ANKRD42: variants seen among roughly 807,000 people sequenced by gnomAD.
The protein encoded by ANKRD42 is ankyrin repeat domain-containing protein 42.
Under a neutral mutation model 51.5 loss-of-function variants are expected in ANKRD42, and 43 were observed. The observed-to-expected ratio is 0.83, with a 90% confidence interval of 0.65 to 1.08. The LOEUF (loss-of-function observed/expected upper bound fraction) is 1.08. ANKRD42 is among the 50% of genes least tolerant of loss of function. The pLI, the probability that ANKRD42 is intolerant of heterozygous loss-of-function variation, is 0.00. For missense variants in ANKRD42, 608 were observed against 629.3 expected (o/e 0.97, Z 0.36); for synonymous variants, 203 against 213.0 (o/e 0.95, Z 0.41).
rs752263810 is a variant in ANKRD42 at position 83,224,822 on chromosome 11, AAAATT to A, written c.587-25_587-21del. On this transcript the variant is annotated intron_variant, in intron 5 of 10. Transcript: ENST00000533342. ...ACATACATAAAAATTTTAAAAAATAAAAATTAAATTAATTTTTTTTCCTTTCCTCT... is the reference window on the plus strand; with the variant it reads ...ACATACATAAAAATTTTAAAAAATAAAAATTAATTTTTTTTCCTTTCCTCT... 4.0e-6 allele frequency: 6 copies of A among 1,499,284 alleles called. No individual in the cohort carries two copies. The Admixed American group carries it at 6.4e-5, about 16-fold the overall frequency. The allele number at this position is 1,499,284 out of a possible 1,614,324, so 92.9% of individuals were successfully genotyped here.
chr11:83,207,548 G>A (rs1450423155), intron 3 of ANKRD42, among the ~76,000 whole-genome samples: 1 of 152,212 alleles, frequency 6.6e-6, no homozygotes, highest in African/African-American at 2.4e-5. Context: ...GGTAAGTAAT[G>A]AGGAAGTATT....
At chr11:83,202,403 T>C (rs567952628) in intron 2 of ANKRD42, among the ~76,000 whole-genome samples, 1 of 152,362 alleles carries the variant, frequency 6.6e-6, no homozygotes, top group African/African-American at 2.4e-5. Flanking sequence ...CCTTGTAGTA[T>C]AGTTTGAAGT....
intron 1 of ANKRD42, among the ~76,000 whole-genome samples, chr11:83,196,044 A>G (rs1861640318): frequency 6.6e-6 from 1 of 152,052 alleles, no homozygotes; most frequent in South Asian, 2.1e-4. Context: ...ACGGAGTTTC[A>G]CTGTGTTAGC....
intron 7 of ANKRD42, among the ~76,000 whole-genome samples, chr11:83,233,213 GT>G (rs777086695): frequency 0.03 from 4,084 of 134,312 alleles, 146 homozygotes; most frequent in African/African-American, 0.093. Flanking sequence ...CGGGTCTGGG[GT>G]TTTTTTTTTT....
rs201130789 is a variant in ANKRD42 at position 83,206,073 on chromosome 11, C to A, written c.238C>A (p.Leu80Ile). ...ATTTTCTTAGTGTCTTCATTGGCTG[C>A]TCTGGCATGGAGCTGATATCACACA... ...SGSLECLHWL[L>I]WHGADITHVT... The change falls in exon 3 of 11, where the codon CTC (leucine) becomes ATC (isoleucine). Residue 80 changes from leucine to isoleucine, a missense_variant. Coordinates refer to ENST00000533342, the MANE Select transcript of ANKRD42 (RefSeq NM_001300975.2). 2 of 1,612,478 alleles carry A rather than the reference C, an allele frequency of 1.2e-6. No homozygotes were observed. The highest frequency in any genetic ancestry group is 2.7e-5 in the African/African-American group (2 of 74,900).
At chr11:83,229,815 A>G (rs1327522193) in intron 7 of ANKRD42, among the ~76,000 whole-genome samples, 1 of 152,132 alleles carries the variant, frequency 6.6e-6, no homozygotes, top group African/African-American at 2.4e-5. Context: ...ACAGCTGGAA[A>G]AGAGCATTGT....
At chr11:83,241,844 TG>T (rs1863397198) in intron 9 of ANKRD42, among the ~76,000 whole-genome samples, 1 of 152,154 alleles carries the variant, frequency 6.6e-6, no homozygotes, top group Non-Finnish European at 1.5e-5. Context: ...GGTGATAGAC[TG>T]GGAGGTGGAA....
At chr11:83,215,879 T>C (rs1373055089) in intron 5 of ANKRD42, among the ~76,000 whole-genome samples, 2 of 152,108 alleles carry the variant, frequency 1.3e-5, no homozygotes, top group Non-Finnish European at 2.9e-5. Flanking sequence ...CACTGCAACA[T>C]TCTCCTCCTG....
chr11:83,208,119 G>A (rs1862149998), intron 3 of ANKRD42, among the ~76,000 whole-genome samples: 1 of 152,140 alleles, frequency 6.6e-6, no homozygotes, highest in East Asian at 1.9e-4. Context: ...AACCTCCTGG[G>A]CCCAAGTGAT....
At chr11:83,215,730 C>T (rs1233326322) in intron 5 of ANKRD42, among the ~76,000 whole-genome samples, 1 of 152,048 alleles carries the variant, frequency 6.6e-6, no homozygotes, top group African/African-American at 2.4e-5. Flanking sequence ...AAGCAAAATG[C>T]CCTACATGTT....
At chr11:83,252,622 A>G (rs1316646845), downstream of ANKRD42, among the ~76,000 whole-genome samples, 1 of 152,218 alleles carries the variant, frequency 6.6e-6, no homozygotes, top group Non-Finnish European at 1.5e-5. Flanking sequence ...GATTACATGT[A>G]GTCCACAAAT....
intron 11 of ANKRD42, chr11:83,255,701 C>T (rs1259708680): frequency 1.2e-5 from 7 of 593,508 alleles, no homozygotes; most frequent in South Asian, 1.1e-4. Context: ...GGAATTTATT[C>T]ACATAAAATC....
In ANKRD42 at chr11:83,210,329, A is replaced by G. The variant is rs113946353; in HGVS notation, c.360A>G (p.Thr120=). Residue 120 remains threonine (T), a synonymous_variant, in exon 4 of 11, where the codon ACA becomes ACG. Coordinates refer to ENST00000533342, the MANE Select transcript of ANKRD42 (RefSeq NM_001300975.2). The part of the protein sequence containing the change: ...QALIMNGANL[T]AQDDRGCTPL... ...TTATAATGAATGGAGCAAATCTGACAGCCCAGGATGACCGGGGATGCACTC... is the reference window on the plus strand; with the variant it reads ...TTATAATGAATGGAGCAAATCTGACGGCCCAGGATGACCGGGGATGCACTC... 3 of 1,613,998 alleles carry G rather than the reference A, an allele frequency of 1.9e-6. No homozygotes were observed. The highest frequency in any genetic ancestry group is 1.1e-5 in the South Asian group (1 of 91,078).
rs1210197879 is a variant in ANKRD42, at chr11:83,203,165, T to C, written c.223-2893T>C. ...TGTGCCACCATACCTGTCTAATTTTTTGTATTTTTGGTAGAGATGGGGTTT... is the reference window on the plus strand; with the variant it reads ...TGTGCCACCATACCTGTCTAATTTTCTGTATTTTTGGTAGAGATGGGGTTT... On this transcript the variant is annotated intron_variant, in intron 2 of 10. Coordinates refer to ENST00000533342, the MANE Select transcript of ANKRD42 (RefSeq NM_001300975.2). Among the ~76,000 whole-genome samples the C allele has an allele frequency of 3.3e-5, 5 of 151,844 alleles. No individual in the cohort carries two copies. The East Asian group carries it at 9.6e-4, about 29-fold the overall frequency.
intron 6 of ANKRD42, among the ~76,000 whole-genome samples, chr11:83,226,240 TACAC>T (rs1862882057): frequency 6.6e-6 from 1 of 151,496 alleles, no homozygotes; most frequent in South Asian, 2.1e-4. Flanking sequence ...CACACACACA[TACAC>T]ACACACAACT....
chr11:83,235,313 TA>T (rs1435651772), intron 7 of ANKRD42, among the ~76,000 whole-genome samples: 66 of 152,294 alleles, frequency 4.3e-4, no homozygotes, highest in African/African-American at 1.5e-3. Flanking sequence ...GATTTGGTAA[TA>T]ATACCTGATG....
At chr11:83,223,914 C>T (rs150682649) in intron 5 of ANKRD42, among the ~76,000 whole-genome samples, 3 of 151,336 alleles carry the variant, frequency 2.0e-5, no homozygotes, top group African/African-American at 7.3e-5. Context: ...TAATCATTGC[C>T]TCAAAGCTTG....
At chr11:83,231,181 G>A (rs759728616) in intron 7 of ANKRD42, among the ~76,000 whole-genome samples, 1 of 152,174 alleles carries the variant, frequency 6.6e-6, no homozygotes, top group Non-Finnish European at 1.5e-5. Flanking sequence ...CACCAACAGT[G>A]TACGAGGGCT....
chr11:83,261,990 A>G (rs774191618), downstream of ANKRD42: 1 of 1,522,278 alleles, frequency 6.6e-7, no homozygotes, highest in Non-Finnish European at 9.0e-7. Context: ...AAACTGTGTT[A>G]TAGGTCTTGT....
Sources: allele counts gnomAD v4.1 joint callset (sites outside exome capture counted in the v4.1 genomes callset), GRCh38; gene constraint gnomAD v4.1.1; transcripts MANE v1.5; gene names NCBI Gene and HGNC (gene_info 2026-07-23, HGNC 2026-07-21).